The following RMND1 variants were observed in gnomAD, a reference collection of about 807,000 sequenced individuals.
RMND1 encodes the protein required for meiotic nuclear division 1 homolog.
In RMND1, 41 loss-of-function variants were observed where a neutral mutation model predicts 54.0. The ratio of observed to expected loss-of-function variants is 0.76; its 90% CI spans 0.59 to 0.98. RMND1 has a LOEUF of 0.98. RMND1 is among the 50% of genes least tolerant of loss of function. The pLI is 0.00. For missense variants in RMND1, 457 were observed against 532.0 expected, an observed-to-expected ratio of 0.86 and a Z score of 1.39; for synonymous variants, 183 against 181.7, an observed-to-expected ratio of 1.01 and a Z score of -0.06.
intron 2 of RMND1, chr6:151,444,984 TTTTA>T (rs1475757049): frequency 1.9e-5 from 4 of 209,626 alleles, no homozygotes; most frequent in Non-Finnish European, 2.8e-5. Flanking sequence ...TTTTTTTTTA[TTTTA>T]TTTTTTTTTA....
At chr6:151,410,860 GGT>G (rs1349331767) in intron 10 of RMND1, among the ~76,000 whole-genome samples, 2 of 152,042 alleles carry the variant, frequency 1.3e-5, no homozygotes, top group Non-Finnish European at 2.9e-5. Context: ...CACTTATTCT[GGT>G]AGCTTCTTTG....
In RMND1 at chr6:151,445,638, T is replaced by G; in HGVS notation, c.174A>C (p.Thr58=). The G allele has an allele frequency of 6.2e-7, 1 of 1,614,208 alleles. No individual in the cohort carries two copies. Among genetic ancestry groups the G allele is most frequent in the Non-Finnish European group, 8.5e-7 (1 of 1,180,026 alleles). ...TCTGAGACTTATTCAAACCACTAGC[T>G]GTTTTATCAGGAAGGAACAAATCCA... ...QSLDLFLPDK[T]ASGLNKSQIL... is the part of the protein sequence containing the mutation. Residue 58 remains threonine (T), a synonymous_variant, in exon 2 of 12, where the codon ACA becomes ACC. Coordinates refer to ENST00000444024, the MANE Select transcript of RMND1 (RefSeq NM_017909.4).
chr6:151,410,440 C>T (rs556427993), intron 10 of RMND1, among the ~76,000 whole-genome samples: 206 of 152,248 alleles, frequency 1.4e-3, no homozygotes, highest in African/African-American at 4.3e-3. Context: ...TGTATAATGC[C>T]AGCACTATGC....
intron 1 of RMND1, among the ~76,000 whole-genome samples, chr6:151,451,535 T>C (rs1267318662): frequency 6.6e-6 from 1 of 152,160 alleles, no homozygotes; most frequent in Non-Finnish European, 1.5e-5. Context: ...CCTTCCAGAA[T>C]GGAAGCTCCC....
intron 3 of RMND1, 64 bp downstream of exon 3, chr6:151,436,382 A>G: frequency 6.3e-7 from 1 of 1,585,630 alleles, no homozygotes; most frequent in South Asian, 1.1e-5. Context: ...TACTTAAGAT[A>G]GTATCATAGG....
chr6:151,429,475 AAT>A (rs1780394950), intron 5 of RMND1, among the ~76,000 whole-genome samples: 1 of 152,122 alleles, frequency 6.6e-6, no homozygotes, highest in Non-Finnish European at 1.5e-5. Context: ...ATCTCCCAGA[AAT>A]AGATATTTTT....
intron 5 of RMND1, 139 bp downstream of exon 5, chr6:151,429,999 G>A (rs1780408644): frequency 1.7e-6 from 1 of 595,694 alleles, no homozygotes; most frequent in African/African-American, 1.9e-5. Context: ...AGATGAAACT[G>A]ATAAGTATCA....
intron 6 of RMND1, among the ~76,000 whole-genome samples, chr6:151,425,232 T>C (rs1014521889): frequency 1.3e-5 from 2 of 152,182 alleles, no homozygotes; most frequent in Non-Finnish European, 2.9e-5. Context: ...CATGAGCCAC[T>C]GTGCTTGGTC....
At chr6:151,425,657 T>G (rs1476173971) in intron 6 of RMND1, among the ~76,000 whole-genome samples, 1 of 152,118 alleles carries the variant, frequency 6.6e-6, no homozygotes, top group Non-Finnish European at 1.5e-5. Context: ...CTCTCTCAGG[T>G]TTATATCCTT....
chr6:151,448,339 T>C (rs906529734), intron 1 of RMND1, among the ~76,000 whole-genome samples: 1 of 152,154 alleles, frequency 6.6e-6, no homozygotes, highest in Non-Finnish European at 1.5e-5. Context: ...AAGTCAATGA[T>C]CCAACCACCT....
chr6:151,445,154 C>T (rs1348228892), intron 2 of RMND1, 154 bp downstream of exon 2: 2 of 674,830 alleles, frequency 3.0e-6, no homozygotes, highest in East Asian at 5.6e-5. Flanking sequence ...TTCTGAATCC[C>T]TTTGGATATT....
intron 2 of RMND1, 94 bp downstream of exon 2, chr6:151,445,214 T>C: frequency 7.6e-7 from 1 of 1,321,200 alleles, no homozygotes; most frequent in Non-Finnish European, 1.0e-6. Context: ...CTGCTAGTTC[T>C]CTTACGTTGG....
At chr6:151,444,784 T>G (rs1780902091) in intron 2 of RMND1, among the ~76,000 whole-genome samples, 5 of 152,074 alleles carry the variant, frequency 3.3e-5, no homozygotes, top group African/African-American at 2.4e-5. Context: ...CAGAAACCCC[T>G]TAAGGATGAA....
chr6:151,409,428 G>A, intron 10 of RMND1, among the ~76,000 whole-genome samples: 1 of 152,144 alleles, frequency 6.6e-6, no homozygotes, highest in Non-Finnish European at 1.5e-5. Flanking sequence ...GAGGCTAGAA[G>A]GTCCTCCCAT....
chr6:151,428,084 G>T (rs945032567), intron 5 of RMND1, among the ~76,000 whole-genome samples: 19 of 152,094 alleles, frequency 1.2e-4, no homozygotes, highest in African/African-American at 4.6e-4. Flanking sequence ...GCCAATGTCA[G>T]CCGGTGTGAC....
chr6:151,447,483 G>A (rs77855169), intron 1 of RMND1, among the ~76,000 whole-genome samples: 2,027 of 152,298 alleles, frequency 0.013, 17 homozygotes, highest in Non-Finnish European at 0.021. Flanking sequence ...TCACCGTTAA[G>A]AAGCTGCAGA....
intron 3 of RMND1, among the ~76,000 whole-genome samples, chr6:151,434,142 G>A (rs546711933): frequency 2.0e-5 from 3 of 152,184 alleles, no homozygotes; most frequent in South Asian, 4.1e-4. Flanking sequence ...ACGGGGCCTG[G>A]CCTAAGTATT....
In RMND1 at chr6:151,405,187, T is replaced by C. The variant is rs774363747; in HGVS notation, c.*48A>G. On this transcript the variant is annotated 3_prime_UTR_variant, in exon 12 of 12. Coordinates refer to ENST00000444024, the MANE Select transcript of RMND1 (RefSeq NM_017909.4). ...GCCGGGCCGAACATTTAATTTTTGA[T>C]TGTAGAACTTGAATATCTCTTGCAG... 1 of 1,565,130 alleles carries C rather than the reference T, an allele frequency of 6.4e-7. No homozygotes were observed. The highest frequency in any genetic ancestry group is 1.1e-5 in the South Asian group (1 of 89,850).
intron 10 of RMND1, among the ~76,000 whole-genome samples, chr6:151,406,452 C>T (rs1401882102): frequency 6.6e-6 from 1 of 152,084 alleles, no homozygotes; most frequent in East Asian, 1.9e-4. Flanking sequence ...AGCTCTGCCT[C>T]CTGGGATCAC....
Sources: allele counts gnomAD v4.1 joint callset (sites outside exome capture counted in the v4.1 genomes callset), GRCh38; gene constraint gnomAD v4.1.1; transcripts MANE v1.5; gene names NCBI Gene and HGNC (gene_info 2026-07-23, HGNC 2026-07-21).